The following SLC24A2 variants were observed in gnomAD, a reference collection of about 807,000 sequenced individuals.
SLC24A2 encodes the protein solute carrier family 24 member 2, also known as sodium/potassium/calcium exchanger 2.
SLC24A2 carries 36 observed loss-of-function variants against 62.0 expected under a neutral mutation model. The observed-to-expected ratio is 0.58, with a 90% CI of 0.44 to 0.77. SLC24A2 has a LOEUF of 0.77. Ranked by LOEUF, SLC24A2 falls within the 30% of genes least tolerant of loss-of-function variation. The pLI, the probability that SLC24A2 is intolerant of heterozygous loss-of-function variation, is 0.00. For missense variants in SLC24A2, 846 were observed against 817.9 expected (o/e 1.03, Z -0.42); for synonymous variants, 358 against 294.0 (o/e 1.22, Z -2.23).
At chr9:19,560,942 GAGAGAC>G (rs1485120249) in intron 7 of SLC24A2, among the ~76,000 whole-genome samples, 3 of 133,764 alleles carry the variant, frequency 2.2e-5, no homozygotes, top group Non-Finnish European at 3.3e-5. Flanking sequence ...GAGAGAGAGA[GAGAGAC>G]AGAGTCTTAC....
At chr9:19,949,710 C>G in the SLC24A2 span, among the ~76,000 whole-genome samples, 1 of 152,210 alleles carries the variant, frequency 6.6e-6, no homozygotes, top group Non-Finnish European at 1.5e-5. Flanking sequence ...TTCACTTTCT[C>G]TTTTCCCCTT....
the SLC24A2 span, among the ~76,000 whole-genome samples, chr9:20,294,978 A>C: frequency 1.3e-5 from 2 of 151,914 alleles, no homozygotes; most frequent in Non-Finnish European, 2.9e-5. Flanking sequence ...TAAATAAATA[A>C]ATAAATAATA....
At chr9:19,823,432 TCTTA>T in the SLC24A2 span, among the ~76,000 whole-genome samples, 4 of 152,102 alleles carry the variant, frequency 2.6e-5, no homozygotes, top group African/African-American at 7.2e-5. Flanking sequence ...TAAAGAATTT[TCTTA>T]CTTAATAATA....
chr9:19,673,670 G>A (rs1819483691), intron 2 of SLC24A2, among the ~76,000 whole-genome samples: 1 of 152,086 alleles, frequency 6.6e-6, no homozygotes, highest in Non-Finnish European at 1.5e-5. Context: ...GTCTGGTCTC[G>A]AACTTCTGAC....
chr9:20,247,003 AT>A, the SLC24A2 span, among the ~76,000 whole-genome samples: 10 of 152,210 alleles, frequency 6.6e-5, no homozygotes, highest in Non-Finnish European at 1.5e-4. Flanking sequence ...GTATTGCATT[AT>A]TTTGAAGTGA....
chr9:20,234,336 C>A, the SLC24A2 span, among the ~76,000 whole-genome samples: 1 of 152,174 alleles, frequency 6.6e-6, no homozygotes, highest in Admixed American at 6.5e-5. Flanking sequence ...CAACTTGGTT[C>A]CATTCTCCCC....
chr9:19,688,872 C>G (rs1467425714), intron 2 of SLC24A2, among the ~76,000 whole-genome samples: 2 of 152,072 alleles, frequency 1.3e-5, no homozygotes, highest in Admixed American at 6.6e-5. Flanking sequence ...TGAATAAATA[C>G]AGTCTCATAG....
chr9:20,148,837 G>A, the SLC24A2 span, among the ~76,000 whole-genome samples: 2 of 152,016 alleles, frequency 1.3e-5, no homozygotes, highest in Admixed American at 1.3e-4. Context: ...AACCCCACAT[G>A]GCACAGCTGG....
At chr9:19,834,335 T>G in the SLC24A2 span, among the ~76,000 whole-genome samples, 2 of 151,916 alleles carry the variant, frequency 1.3e-5, no homozygotes, top group East Asian at 3.9e-4. Context: ...GAAAAAAAAT[T>G]AGACGAATGG....
intron 7 of SLC24A2, among the ~76,000 whole-genome samples, chr9:19,570,834 C>T (rs979511338): frequency 6.6e-6 from 1 of 152,140 alleles, no homozygotes; most frequent in African/African-American, 2.4e-5. Flanking sequence ...CTACAGTGGG[C>T]CATGGTGACC....
chr9:20,233,481 T>G, the SLC24A2 span, among the ~76,000 whole-genome samples: 6 of 152,228 alleles, frequency 3.9e-5, no homozygotes, highest in African/African-American at 1.2e-4. Context: ...CATTATGTAA[T>G]GGCCTTCTTT....
chr9:19,540,334 C>G (rs879576427), intron 8 of SLC24A2, among the ~76,000 whole-genome samples: 34 of 141,528 alleles, frequency 2.4e-4, no homozygotes, highest in Non-Finnish European at 7.7e-5. Flanking sequence ...GATTTTGCAG[C>G]GGCTGGTACC....
chr9:19,626,005 T>C (rs887455911), intron 2 of SLC24A2, among the ~76,000 whole-genome samples: 1 of 152,140 alleles, frequency 6.6e-6, no homozygotes, highest in Non-Finnish European at 1.5e-5. Flanking sequence ...CATTTCTTTA[T>C]AGGAATTTTG....
the SLC24A2 span, among the ~76,000 whole-genome samples, chr9:19,994,119 C>T: frequency 2.0e-5 from 3 of 152,158 alleles, no homozygotes; most frequent in African/African-American, 7.2e-5. Context: ...GCTGCTGTTT[C>T]CATTGCAACA....
chr9:19,708,982 G>A (rs575763457), intron 2 of SLC24A2, among the ~76,000 whole-genome samples: 1 of 152,074 alleles, frequency 6.6e-6, no homozygotes, highest in African/African-American at 2.4e-5. Flanking sequence ...TACAAAATGG[G>A]AGAAAATTTT....
the SLC24A2 span, among the ~76,000 whole-genome samples, chr9:20,281,356 T>C: frequency 6.6e-6 from 1 of 152,240 alleles, no homozygotes; most frequent in East Asian, 1.9e-4. Context: ...TATTCAAATA[T>C]GCACATATCA....
At chr9:19,887,138 A>G in the SLC24A2 span, among the ~76,000 whole-genome samples, 1 of 152,178 alleles carries the variant, frequency 6.6e-6, no homozygotes, top group Non-Finnish European at 1.5e-5. Flanking sequence ...GGTGCAGCAA[A>G]TCACTATGGC....
At chr9:20,039,801 T>C in the SLC24A2 span, among the ~76,000 whole-genome samples, 1 of 152,164 alleles carries the variant, frequency 6.6e-6, no homozygotes, top group African/African-American at 2.4e-5. Context: ...GAGGCAGAGC[T>C]GGAACTGTAG....
At chr9:19,900,669 G>A in the SLC24A2 span, among the ~76,000 whole-genome samples, 5 of 152,176 alleles carry the variant, frequency 3.3e-5, no homozygotes, top group Non-Finnish European at 7.3e-5. Context: ...ACTATGTCAA[G>A]CACTTAAGAA....
Sources: gnomAD v4.1 joint callset for allele counts (sites outside exome capture counted in the v4.1 genomes callset) on GRCh38, gnomAD v4.1.1 for gene constraint, MANE v1.5 for transcripts, NCBI Gene and HGNC (gene_info 2026-07-23, HGNC 2026-07-21) for gene names.